The following ZNF718 variants were observed in gnomAD, a reference collection of about 807,000 sequenced individuals.
ZNF718 encodes the protein zinc finger protein 718.
Under a neutral mutation model 2.6 loss-of-function variants are expected in ZNF718, and 3 were observed. That is an observed-to-expected ratio of 1.16 (90% CI 0.53 to 3.01). ZNF718 has a LOEUF of 3.01. Among genes scored for constraint, ZNF718 ranks in the 30% most tolerant of loss-of-function variants. ZNF718 has a pLI of 0.03. For synonymous variants in ZNF718, 135 were observed against 77.9 expected, an observed-to-expected ratio of 1.73 and a Z score of -3.86; for missense variants, 468 against 230.0, an observed-to-expected ratio of 2.03 and a Z score of -6.69.
At chr4:175,163 T>C (rs896916312) in intron 3 of ZNF718, among the ~76,000 whole-genome samples, 1 of 152,210 alleles carries the variant, frequency 6.6e-6, no homozygotes, top group South Asian at 2.1e-4. Flanking sequence ...CAAGAGGCCA[T>C]CCGGAGTTTG....
Position 131,729 on chromosome 4 carries a change from C to T in ZNF718, c.226+224C>T, listed in dbSNP as rs1416822560. 5.9e-5 allele frequency among the ~76,000 whole-genome samples: 6 copies of T among 102,250 alleles called. 2 individuals are homozygous for T. Among genetic ancestry groups the T allele is most frequent in the African/African-American group, 2.0e-4 (6 of 29,322 alleles). The allele number at this position is 102,250 out of a possible 152,430, so 67.1% of individuals were successfully genotyped here. A position where few individuals can be genotyped will look rare whatever the true frequency, so the allele number is the denominator to read the frequency against. ...CTCTACTAAAAATACAAAAATTAGC[C>T]GGGTGTGGTGGCGGGCGCCTGTAAT... On this transcript the variant is annotated intron_variant, in intron 3 of 3. Transcript: ENST00000510175.
chr4:124,500 C>G, upstream of ZNF718: 1 of 855,940 alleles, frequency 1.2e-6, no homozygotes, highest in East Asian at 2.7e-5. Context: ...GGATCTGGCG[C>G]GGCTTTTGCT....
rs1716949667 is a variant in ZNF718 at position 162,696 on chromosome 4, CCCA to C, written c.*575_*577del. On this transcript the variant is annotated 3_prime_UTR_variant, in exon 4 of 4. Transcript: ENST00000510175. ...CTAGAAGAAAACCCTGAAGCAGTTG[CCCA>C]AACTTTCTTTGACATTAGAGAATTT... 6.6e-6 allele frequency: 1 copy of C among 152,004 alleles called. No homozygotes were observed. The highest frequency in any genetic ancestry group is 6.6e-5 in the Admixed American group (1 of 15,256). 9.4% of individuals were successfully genotyped at this position (152,004 alleles called of 1,614,324 possible). A position where few individuals can be genotyped will look rare whatever the true frequency, so the allele number is the denominator to read the frequency against.
chr4:195,365 GT>G (rs1357000507), intron 3 of ZNF718, among the ~76,000 whole-genome samples: 1 of 151,980 alleles, frequency 6.6e-6, no homozygotes, highest in Non-Finnish European at 1.5e-5. Context: ...ACACATTGTG[GT>G]TTTTTTTCTC....
chr4:187,610 T>G (rs1479343240), intron 3 of ZNF718, among the ~76,000 whole-genome samples: 1 of 152,160 alleles, frequency 6.6e-6, no homozygotes, highest in East Asian at 1.9e-4. Context: ...GCATGCACAT[T>G]CCTCTGGGGT....
chr4:190,699 C>A (rs1553821044), intron 3 of ZNF718, among the ~76,000 whole-genome samples: 1 of 152,002 alleles, frequency 6.6e-6, no homozygotes, highest in Non-Finnish European at 1.5e-5. Context: ...AGTTATATAA[C>A]CACAAATATA....
chr4:178,847 T>C (rs1043704933), intron 3 of ZNF718, among the ~76,000 whole-genome samples: 1 of 152,204 alleles, frequency 6.6e-6, no homozygotes, highest in Admixed American at 6.5e-5. Flanking sequence ...TGGTTGGCAT[T>C]TGTACTCCAC....
intron 3 of ZNF718, among the ~76,000 whole-genome samples, chr4:133,195 A>AAAAAAAATATATATATAT (rs1258303094): frequency 9.6e-5 from 2 of 20,776 alleles, no homozygotes; most frequent in African/African-American, 3.4e-4. Context: ...AAAAAAAAAA[A>AAAAAAAATATATATATAT]ATATATATAT....
chr4:152,187 A>C (rs1553812676), intron 3 of ZNF718, among the ~76,000 whole-genome samples: 1 of 146,438 alleles, frequency 6.8e-6, no homozygotes, highest in Non-Finnish European at 1.5e-5. Flanking sequence ...ATACCGAGAC[A>C]TTCCATTGCC....
chr4:173,533 A>C (rs1717282857), intron 3 of ZNF718, among the ~76,000 whole-genome samples: 1 of 152,160 alleles, frequency 6.6e-6, no homozygotes, highest in Non-Finnish European at 1.5e-5. Context: ...ACCAATAGTT[A>C]CTATTTATAC....
rs532903455 is a variant in ZNF718 at position 124,536 on chromosome 4, G to C, written c.-135G>C. The C allele has an allele frequency of 3.2e-5, 41 of 1,265,532 alleles. No homozygotes were observed. In the East Asian group the frequency reaches 7.5e-4, roughly 23 times the overall value. 78.4% of individuals were successfully genotyped at this position (1,265,532 alleles called of 1,614,324 possible). On this transcript the variant is annotated 5_prime_UTR_variant, in exon 1 of 4. Transcript: ENST00000510175. ...TGTAGCTCCAGCCAGAGCTCGGTTA[G>C]GGCCTCATCGCTCTGCTCCCGCTCC...
At chr4:170,697 A>G (rs929898158) in intron 3 of ZNF718, among the ~76,000 whole-genome samples, 2 of 152,098 alleles carry the variant, frequency 1.3e-5, no homozygotes, top group South Asian at 2.1e-4. Flanking sequence ...TTTCAGCTCC[A>G]TCAGGTCCCT....
downstream of ZNF718, among the ~76,000 whole-genome samples, chr4:166,693 G>A (rs1717095419): frequency 6.6e-6 from 1 of 151,900 alleles, no homozygotes. Context: ...TTTTTGATGG[G>A]GCTGTTTGTT....
intron 3 of ZNF718, among the ~76,000 whole-genome samples, chr4:193,015 G>A (rs549499726): frequency 2.6e-5 from 4 of 152,264 alleles, no homozygotes; most frequent in African/African-American, 9.6e-5. Context: ...ATTTCCATTG[G>A]TTAGCTGCAG....
intron 3 of ZNF718, among the ~76,000 whole-genome samples, chr4:194,078 A>G (rs540428937): frequency 2.4e-4 from 37 of 152,158 alleles, no homozygotes; most frequent in African/African-American, 8.7e-4. Flanking sequence ...CATTTATCCC[A>G]TTCTGCCTGC....
rs549292447 is a variant in ZNF718 at position 139,812 on chromosome 4, G to A, written c.226+8307G>A. ...GCTTTCTCTTTTCATTTCCAACTTGGAACACTTGGTGGGCAGCACCTAAAC... is the reference window on the plus strand; with the variant it reads ...GCTTTCTCTTTTCATTTCCAACTTGAAACACTTGGTGGGCAGCACCTAAAC... On this transcript the variant is annotated intron_variant, in intron 3 of 3. Transcript: ENST00000510175. Among the ~76,000 whole-genome samples the A allele has an allele frequency of 3.9e-5, 6 of 152,216 alleles. No homozygotes were observed. The South Asian group carries it at 1.0e-3, about 26-fold the overall frequency.
intron 3 of ZNF718, among the ~76,000 whole-genome samples, chr4:147,082 T>C (rs2108792149): frequency 6.6e-6 from 1 of 152,308 alleles, no homozygotes; most frequent in South Asian, 2.1e-4. Flanking sequence ...GCGATTCTTT[T>C]GCCTCAGCCT....
intron 3 of ZNF718, among the ~76,000 whole-genome samples, chr4:160,159 A>G (rs1553814575): frequency 6.6e-6 from 1 of 152,126 alleles, no homozygotes; most frequent in Non-Finnish European, 1.5e-5. Context: ...ATTATTGGAG[A>G]CAGAAACCAG....
intron 1 of ZNF718, among the ~76,000 whole-genome samples, chr4:130,490 G>C (rs1715322685): frequency 9.7e-6 from 1 of 103,080 alleles, no homozygotes; most frequent in African/African-American, 3.4e-5. Context: ...GCTCACGCCT[G>C]TAATCCCAGC....
Sources: gnomAD v4.1 joint callset for allele counts (sites outside exome capture counted in the v4.1 genomes callset) on GRCh38, gnomAD v4.1.1 for gene constraint, MANE v1.5 for transcripts, NCBI Gene and HGNC (gene_info 2026-07-23, HGNC 2026-07-21) for gene names.